VOPP1: variants seen among roughly 807,000 people sequenced by gnomAD.
The protein encoded by VOPP1 is WW domain binding protein VOPP1.
Under a neutral mutation model 23.5 loss-of-function variants are expected in VOPP1, and 8 were observed. That is an observed-to-expected ratio of 0.34 (90% CI 0.20 to 0.61). The LOEUF (loss-of-function observed/expected upper bound fraction) is 0.61. VOPP1 is among the 20% of genes least tolerant of loss of function. VOPP1 has a pLI of 0.78. For missense variants in VOPP1, 174 were observed against 238.1 expected (o/e 0.73, Z 1.77); for synonymous variants, 83 against 97.3 (o/e 0.85, Z 0.86).
At chr7:55,532,347 G>A (rs1562601112) in intron 1 of VOPP1, among the ~76,000 whole-genome samples, 1 of 152,200 alleles carries the variant, frequency 6.6e-6, no homozygotes, top group African/African-American at 2.4e-5. Flanking sequence ...CTGGAGAGAG[G>A]TATTTCTGTC....
At chr7:55,567,259 T>G (rs530586221) in intron 1 of VOPP1, among the ~76,000 whole-genome samples, 5 of 152,166 alleles carry the variant, frequency 3.3e-5, no homozygotes, top group Non-Finnish European at 7.4e-5. Context: ...AATCAATAAA[T>G]CAGAGCAAAA....
chr7:55,505,969 G>T (rs1313952419), intron 2 of VOPP1, among the ~76,000 whole-genome samples: 3 of 152,146 alleles, frequency 2.0e-5, no homozygotes, highest in Non-Finnish European at 2.9e-5. Context: ...CCGTCTCACG[G>T]TCCCATAAAA....
At chr7:55,497,466 C>G in intron 3 of VOPP1, 147 bp downstream of exon 3, 1 of 693,610 alleles carries the variant, frequency 1.4e-6, no homozygotes, top group South Asian at 1.9e-5. Context: ...ATGAAGCCAA[C>G]CCAAACATAC....
Position 55,492,263 on chromosome 7 carries a change from A to G in VOPP1, c.328+19T>C, listed in dbSNP as rs1583902717. 1 of 1,601,676 alleles carries G rather than the reference A, an allele frequency of 6.2e-7. No individual in the cohort carries two copies. The highest frequency in any genetic ancestry group is 8.5e-7 in the Non-Finnish European group (1 of 1,172,530). ...GACACACACTGTGGGGAGGAGAGAC[A>G]AGGACAGGGCTGGCTGACCTGGGCC... On this transcript the variant is annotated intron_variant, in intron 4 of 4. Coordinates refer to ENST00000285279, the MANE Select transcript of VOPP1 (RefSeq NM_030796.5).
At chr7:55,504,070 T>G (rs1794549531) in intron 2 of VOPP1, among the ~76,000 whole-genome samples, 1 of 152,240 alleles carries the variant, frequency 6.6e-6, no homozygotes, top group Middle Eastern at 3.4e-3. Flanking sequence ...AGTTCGAGAA[T>G]CCAATCCTTT....
intron 1 of VOPP1, among the ~76,000 whole-genome samples, chr7:55,540,292 G>A (rs1399601420): frequency 6.6e-6 from 1 of 151,878 alleles, no homozygotes; most frequent in African/African-American, 2.4e-5. Context: ...CAGCTACCCG[G>A]GAGACTGAGG....
intron 1 of VOPP1, among the ~76,000 whole-genome samples, chr7:55,555,324 T>A (rs1584114024): frequency 6.6e-6 from 1 of 152,284 alleles, no homozygotes; most frequent in South Asian, 2.1e-4. Flanking sequence ...GGAAGCAGAC[T>A]GCATGACAAT....
chr7:55,490,213 C>A (rs760941349), intron 4 of VOPP1, among the ~76,000 whole-genome samples: 10 of 152,132 alleles, frequency 6.6e-5, no homozygotes, highest in Middle Eastern at 3.4e-3. Flanking sequence ...CTTCTGATAG[C>A]CAAGTGGAAG....
chr7:55,516,332 T>C lies in VOPP1; in HGVS notation c.113+4740A>G, dbSNP rs150442708. Among the ~76,000 whole-genome samples, 79 of 152,310 alleles carry C rather than the reference T, an allele frequency of 5.2e-4. 1 individual carries two copies. In the East Asian group the frequency reaches 0.014, roughly 27 times the overall value. The stretch of plus-strand genomic sequence containing the variant: ...AAAATAAGAATATCTTGTTTATACA[T>C]GTAATACACAGTCTTCCAGACCAAT... On this transcript the variant is annotated intron_variant, in intron 2 of 4. Coordinates refer to ENST00000285279, the MANE Select transcript of VOPP1 (RefSeq NM_030796.5).
intron 4 of VOPP1, among the ~76,000 whole-genome samples, chr7:55,440,290 A>C (rs1790931938): frequency 6.6e-6 from 1 of 152,034 alleles, no homozygotes; most frequent in Non-Finnish European, 1.5e-5. Flanking sequence ...ATCTGGCTGG[A>C]CCTTTTAGAG....
chr7:55,563,181 T>A (rs1385033199), intron 1 of VOPP1, among the ~76,000 whole-genome samples: 3 of 152,212 alleles, frequency 2.0e-5, no homozygotes, highest in African/African-American at 7.2e-5. Context: ...TAAAAATTAA[T>A]TTCGATACAG....
chr7:55,553,326 G>C (rs984165837), intron 1 of VOPP1, among the ~76,000 whole-genome samples: 4 of 152,040 alleles, frequency 2.6e-5, no homozygotes, highest in Non-Finnish European at 4.4e-5. Context: ...GCAGTACTTG[G>C]GAGGAGTCAC....
intron 1 of VOPP1, chr7:55,571,798 C>G (rs1034104795): frequency 6.5e-6 from 1 of 154,822 alleles, no homozygotes; most frequent in Non-Finnish European, 1.4e-5. Context: ...CACTTCCCCA[C>G]AGTCCCCTCC....
chr7:55,488,661 C>G (rs139914078), intron 4 of VOPP1, among the ~76,000 whole-genome samples: 4 of 152,268 alleles, frequency 2.6e-5, no homozygotes, highest in African/African-American at 9.6e-5. Context: ...CCCCTACACC[C>G]CAGAATATGA....
At position 55,492,303 on chromosome 7, in the gene VOPP1, G is replaced by C; in HGVS notation, c.307C>G (p.Gln103Glu). ...EPAFNVSYTR[Q>E]PPNPGPGAQQ... ...TGACCTGGGCCGGGATTTGGGGGCTGCCTGGTGTAGGACACATTGAAGGCT... is the reference window on the plus strand; with the variant it reads ...TGACCTGGGCCGGGATTTGGGGGCTCCCTGGTGTAGGACACATTGAAGGCT... The change falls in exon 4 of 5, where the codon CAG becomes GAG. Residue 103 changes from glutamine to glutamate, a missense_variant. Coordinates refer to ENST00000285279, the MANE Select transcript of VOPP1 (RefSeq NM_030796.5). 3.1e-6 allele frequency: 5 copies of C among 1,610,226 alleles called. No homozygotes were observed. Among genetic ancestry groups the C allele is most frequent in the Non-Finnish European group, 4.2e-6 (5 of 1,177,984 alleles).
At chr7:55,521,711 A>AG in intron 1 of VOPP1, 1 of 985,706 alleles carries the variant, frequency 1.0e-6, no homozygotes, top group Non-Finnish European at 1.2e-6. Flanking sequence ...AACATCCCGG[A>AG]GGCAGGGCCC....
chr7:55,449,359 GC>G (rs1470046931), intron 4 of VOPP1, among the ~76,000 whole-genome samples: 1 of 152,140 alleles, frequency 6.6e-6, no homozygotes, highest in Non-Finnish European at 1.5e-5. Context: ...CTGCGGCCCT[GC>G]CTCGTCCGAA....
At chr7:55,436,645 C>CATGG (rs139282038) in intron 4 of VOPP1, among the ~76,000 whole-genome samples, 5 of 148,992 alleles carry the variant, frequency 3.4e-5, no homozygotes, top group African/African-American at 1.0e-4. Context: ...TGTGTGCGTG[C>CATGG]GTGGGTGTGT....
In VOPP1 at chr7:55,470,981, C is replaced by T. The variant is rs1791780399; in HGVS notation, c.*1874G>A. 2 of 152,704 alleles carry T rather than the reference C, an allele frequency of 1.3e-5. No homozygotes were observed. Among genetic ancestry groups the T allele is most frequent in the South Asian group, 2.1e-4 (1 of 4,834 alleles). The allele number at this position is 152,704 out of a possible 1,614,324, so 9.5% of individuals were successfully genotyped here. A position where few individuals can be genotyped will look rare whatever the true frequency, so the allele number is the denominator to read the frequency against. On this transcript the variant is annotated 3_prime_UTR_variant, in exon 5 of 5. Transcript: ENST00000285279. ...AGCCCTAGCCATCACTGTCTCTTAA[C>T]ATAATTTGCTATCAAAAAGACAAAC...
Sources: gnomAD v4.1 joint callset for allele counts (sites outside exome capture counted in the v4.1 genomes callset) on GRCh38, gnomAD v4.1.1 for gene constraint, MANE v1.5 for transcripts, NCBI Gene and HGNC (gene_info 2026-07-23, HGNC 2026-07-21) for gene names.